The following TTC39B variants were observed in gnomAD, a reference collection of about 807,000 sequenced individuals.
The protein encoded by TTC39B is tetratricopeptide repeat domain 39B, also known as tetratricopeptide repeat protein 39B.
A neutral mutation model predicts 96.6 loss-of-function variants in TTC39B; 92 were observed. The observed-to-expected ratio is 0.95, with a 90% CI of 0.80 to 1.13. TTC39B has a LOEUF of 1.13. Among genes scored for constraint, TTC39B ranks in the 50% most tolerant of loss-of-function variants. TTC39B has a pLI of 0.00. For missense variants in TTC39B, 955 were observed against 809.3 expected (o/e 1.18, Z -2.18); for synonymous variants, 367 against 299.4 (o/e 1.23, Z -2.33).
At chr9:15,262,927 A>G (rs191823567) in intron 2 of TTC39B, among the ~76,000 whole-genome samples, 6 of 152,370 alleles carry the variant, frequency 3.9e-5, no homozygotes, top group Admixed American at 2.0e-4. Flanking sequence ...AGAATTCACA[A>G]AGGGAATGTT....
chr9:15,171,977 G>A, exon 20 of TTC39B: 2 of 1,442,316 alleles, frequency 1.4e-6, no homozygotes, highest in Non-Finnish European at 1.9e-6. Context: ...TATAGCAGAT[G>A]CCGATGCTAA....
In TTC39B at chr9:15,285,158, GGGGC is replaced by G. The variant is rs1275660261; in HGVS notation, c.241-17214_241-17211del. On this transcript the variant is annotated intron_variant, in intron 1 of 19. Coordinates refer to ENST00000512701, the Ensembl canonical transcript of TTC39B. The stretch of plus-strand genomic sequence containing the variant: ...CGGGCGCCTGTAGTCCCAGCTACTC[GGGGC>G]GGGGGCTGAGGCAGGAGAATGGCGT... Among the ~76,000 whole-genome samples, 18 of 151,720 alleles carry G rather than the reference GGGGC, an allele frequency of 1.2e-4. No homozygotes were observed. In the South Asian group the frequency reaches 1.9e-3, roughly 16 times the overall value.
chr9:15,239,765 G>A (rs1316172902), intron 2 of TTC39B, among the ~76,000 whole-genome samples: 13 of 152,178 alleles, frequency 8.5e-5, no homozygotes, highest in Admixed American at 8.5e-4. Flanking sequence ...AAAGAGGGGA[G>A]GGAGGATGGA....
intron 8 of TTC39B, among the ~76,000 whole-genome samples, chr9:15,193,638 C>T (rs1396726484): frequency 6.6e-6 from 1 of 152,132 alleles, no homozygotes; most frequent in Non-Finnish European, 1.5e-5. Context: ...TATTATGGTG[C>T]ATTTTGCCAA....
chr9:15,287,259 A>T (rs1233427180), intron 1 of TTC39B, among the ~76,000 whole-genome samples: 1 of 152,220 alleles, frequency 6.6e-6, no homozygotes, highest in African/African-American at 2.4e-5. Context: ...TATCTCTTAA[A>T]ATCATTTCTC....
At chr9:15,289,931 C>A (rs1244535436) in intron 1 of TTC39B, among the ~76,000 whole-genome samples, 1 of 152,028 alleles carries the variant, frequency 6.6e-6, no homozygotes, top group Non-Finnish European at 1.5e-5. Flanking sequence ...CAGCCCTTGA[C>A]CCCCCTGATG....
At chr9:15,255,231 A>T (rs1185192395) in intron 2 of TTC39B, among the ~76,000 whole-genome samples, 2 of 152,142 alleles carry the variant, frequency 1.3e-5, no homozygotes, top group African/African-American at 4.8e-5. Context: ...GGGTTCTTCC[A>T]ATTTGTTGAT....
chr9:15,216,066 G>T (rs1214332163), intron 3 of TTC39B, among the ~76,000 whole-genome samples: 1 of 151,742 alleles, frequency 6.6e-6, no homozygotes, highest in Non-Finnish European at 1.5e-5. Context: ...TCTTCTCAAG[G>T]CTCCTTCTTG....
chr9:15,219,988 C>T (rs1025626375), intron 3 of TTC39B, among the ~76,000 whole-genome samples: 2 of 152,144 alleles, frequency 1.3e-5, no homozygotes, highest in East Asian at 1.9e-4. Flanking sequence ...TTGTGAATAA[C>T]GAAGCTGAGA....
chr9:15,175,427 A>G (rs1817881522), intron 18 of TTC39B, among the ~76,000 whole-genome samples: 1 of 152,186 alleles, frequency 6.6e-6, no homozygotes, highest in Non-Finnish European at 1.5e-5. Flanking sequence ...AAATGGCAAG[A>G]TCATCTTTCT....
chr9:15,267,273 G>A (rs943296152), intron 2 of TTC39B, among the ~76,000 whole-genome samples: 3 of 152,192 alleles, frequency 2.0e-5, no homozygotes, highest in African/African-American at 7.2e-5. Flanking sequence ...AGGCTATTGT[G>A]TTTTGTTATA....
chr9:15,175,959 G>A (rs1402175379), intron 18 of TTC39B, among the ~76,000 whole-genome samples: 1 of 152,210 alleles, frequency 6.6e-6, no homozygotes, highest in Non-Finnish European at 1.5e-5. Context: ...GACAAAGACA[G>A]TTGTCTCCTT....
chr9:15,240,536 A>T (rs1357048920), intron 2 of TTC39B, among the ~76,000 whole-genome samples: 1 of 152,058 alleles, frequency 6.6e-6, no homozygotes, highest in Non-Finnish European at 1.5e-5. Flanking sequence ...ATAATGTACC[A>T]TTTTAACAAT....
intron 1 of TTC39B, among the ~76,000 whole-genome samples, chr9:15,295,018 C>A (rs1045038516): frequency 2.6e-4 from 39 of 152,142 alleles, no homozygotes; most frequent in African/African-American, 8.9e-4. Context: ...ACAACCAAAC[C>A]AATTAATGGG....
At chr9:15,180,994 T>C (rs1322925156) in intron 17 of TTC39B, among the ~76,000 whole-genome samples, 1 of 152,172 alleles carries the variant, frequency 6.6e-6, no homozygotes, top group Non-Finnish European at 1.5e-5. Flanking sequence ...AAGCCTATCA[T>C]CTCAGCATGT....
chr9:15,183,784 G>A (rs1818375648), intron 16 of TTC39B, among the ~76,000 whole-genome samples: 1 of 152,178 alleles, frequency 6.6e-6, no homozygotes, highest in African/African-American at 2.4e-5. Flanking sequence ...GGGAGAGGGA[G>A]ATGTTTGGTT....
chr9:15,218,632 T>TAAAAAAAAAAAAAAAATATA (rs545882970), intron 3 of TTC39B, among the ~76,000 whole-genome samples: 2 of 105,110 alleles, frequency 1.9e-5, no homozygotes, highest in African/African-American at 7.1e-5. Flanking sequence ...TTAGTCTATT[T>TAAAAAAAAAAAAAAAATATA]TAAATATATA....
At chr9:15,187,244 A>G (rs140510030) in intron 14 of TTC39B, among the ~76,000 whole-genome samples, 1 of 152,200 alleles carries the variant, frequency 6.6e-6, no homozygotes, top group Non-Finnish European at 1.5e-5. Context: ...TTATACAACT[A>G]CAGCATTCAT....
intron 2 of TTC39B, among the ~76,000 whole-genome samples, chr9:15,236,031 T>TA (rs1257504022): frequency 1.3e-5 from 2 of 151,952 alleles, no homozygotes; most frequent in Non-Finnish European, 2.9e-5. Flanking sequence ...ACTAGTTTTT[T>TA]AAAAAAAATA....
Sources: allele counts gnomAD v4.1 joint callset (sites outside exome capture counted in the v4.1 genomes callset), GRCh38; gene constraint gnomAD v4.1.1; transcripts MANE v1.5; gene names NCBI Gene and HGNC (gene_info 2026-07-23, HGNC 2026-07-21).